The following FANCB variants were observed in gnomAD, a reference collection of about 807,000 sequenced individuals.
FANCB encodes the protein FA complementation group B, also known as Fanconi anemia group B protein.
In FANCB, 5 loss-of-function variants were observed where a neutral mutation model predicts 38.9. That is an observed-to-expected ratio of 0.13 (90% confidence interval 0.07 to 0.27). The LOEUF is 0.27. Ranked by LOEUF, FANCB falls within the 10% of genes least tolerant of loss-of-function variation. The pLI, the probability that FANCB is intolerant of heterozygous loss-of-function variation, is 1.00. For missense variants in FANCB, 573 were observed against 602.7 expected, an observed-to-expected ratio of 0.95 and a Z score of 0.52; for synonymous variants, 236 against 215.4, an observed-to-expected ratio of 1.10 and a Z score of -0.84.
the FANCB span, among the ~76,000 whole-genome samples, chrX:14,793,561 A>T: frequency 5.3e-5 from 6 of 112,410 alleles, no homozygotes; most frequent in African/African-American, 1.9e-4. Context: ...CGAAAAAAAG[A>T]TCAAATTTTC....
chrX:14,871,809 T>C (rs900275819), intron 1 of FANCB, among the ~76,000 whole-genome samples: 18 of 99,540 alleles, frequency 1.8e-4, no homozygotes, highest in African/African-American at 6.2e-4. Flanking sequence ...TCTCAAGAAA[T>C]AGTGCCATGT....
chrX:14,743,037 G>T, the FANCB span, among the ~76,000 whole-genome samples: 1 of 112,765 alleles, frequency 8.9e-6, no homozygotes, highest in Non-Finnish European at 1.9e-5. Flanking sequence ...AAATGGAGAA[G>T]AATAATGGTT....
chrX:14,773,130 T>TA, the FANCB span, among the ~76,000 whole-genome samples: 1 of 112,470 alleles, frequency 8.9e-6, no homozygotes, highest in African/African-American at 3.2e-5. Context: ...CAGATGCTTC[T>TA]AATCAGCCAT....
chrX:14,844,573 T>C lies in FANCB; in HGVS notation c.2095A>G (p.Ser699Gly). 1 of 1,209,755 alleles carries C rather than the reference T, an allele frequency of 8.3e-7. No homozygotes were observed. The highest frequency in any genetic ancestry group is 1.1e-6 in the Non-Finnish European group (1 of 893,732). ...PEVYFCERPG[S>G]FYGTLFTWKQ... ...CAAGTGAAGAGTGTCCCATAGAAAC[T>C]TCCCGGTCTTTCACAAAAGTACACT... The change falls in exon 9 of 10, where the codon AGT becomes GGT. Residue 699 changes from serine (S) to glycine (G), a missense_variant. Coordinates refer to ENST00000650831, the MANE Select transcript of FANCB (RefSeq NM_001018113.3).
the FANCB span, among the ~76,000 whole-genome samples, chrX:14,707,757 G>GGTGTGTGTGTGTGT: frequency 1.7e-4 from 18 of 106,211 alleles, no homozygotes; most frequent in Admixed American, 1.6e-3. Flanking sequence ...CAGCAAAAAA[G>GGTGTGTGTGTGTGT]GTGTGTGTGT....
the FANCB span, among the ~76,000 whole-genome samples, chrX:14,690,096 A>T: frequency 8.4e-3 from 942 of 111,856 alleles, 9 homozygotes; most frequent in African/African-American, 0.028. Flanking sequence ...AGTAAATTGA[A>T]GAAAATTACA....
In FANCB at chrX:14,853,109, A is replaced by G. The variant is rs759581894; in HGVS notation, c.1256T>C (p.Ile419Thr). The change falls in exon 6 of 10, where the codon ATT (isoleucine) becomes ACT (threonine). Residue 419 changes from isoleucine to threonine, a missense_variant. Physicochemically the swap from Ile to Thr is moderately conservative, Grantham distance 89. Coordinates refer to ENST00000650831, the MANE Select transcript of FANCB (RefSeq NM_001018113.3). ...RQHLLLKEKI[I>T]SKSYKALINL... ...TATTAAAGCTTTGTAAGATTTTGAA[A>G]TAATTTTTTCCTTAAGCAACAGATG... 2 of 1,202,951 alleles carry G rather than the reference A, an allele frequency of 1.7e-6. No homozygotes were observed. The highest frequency in any genetic ancestry group is 4.4e-5 in the Admixed American group (2 of 45,614).
At chrX:14,772,630 G>T in the FANCB span, among the ~76,000 whole-genome samples, 4 of 112,203 alleles carry the variant, frequency 3.6e-5, no homozygotes, top group African/African-American at 9.7e-5. Context: ...GCAGAATGAT[G>T]CTGCCTGGCT....
the FANCB span, among the ~76,000 whole-genome samples, chrX:14,740,953 A>AACACACGCACACACAC: frequency 0.058 from 6,427 of 109,991 alleles, 241 homozygotes; most frequent in African/African-American, 0.12. Context: ...CTAATACACA[A>AACACACGCACACACAC]ACACATGCAC....
chrX:14,861,788 A>G (rs1019193516), intron 3 of FANCB, among the ~76,000 whole-genome samples: 1 of 112,482 alleles, frequency 8.9e-6, no homozygotes, highest in Non-Finnish European at 1.9e-5. Flanking sequence ...AGTTTTTGGC[A>G]TAATTATTTC....
chrX:14,824,085 C>A, the FANCB span, among the ~76,000 whole-genome samples: 2 of 111,797 alleles, frequency 1.8e-5, no homozygotes, highest in African/African-American at 6.5e-5. Flanking sequence ...ACACCCTCCC[C>A]CTAACAACCC....
chrX:14,846,419 C>T (rs747802088), intron 7 of FANCB, among the ~76,000 whole-genome samples: 1 of 111,793 alleles, frequency 8.9e-6, no homozygotes, highest in Non-Finnish European at 1.9e-5. Flanking sequence ...TTCTAAATTA[C>T]AAACTATACT....
chrX:14,847,813 G>A (rs1192064573), intron 7 of FANCB, among the ~76,000 whole-genome samples: 2 of 111,254 alleles, frequency 1.8e-5, no homozygotes, highest in Non-Finnish European at 1.9e-5. Flanking sequence ...TATTTGAAAA[G>A]ATCTAATAAA....
chrX:14,697,893 T>C, the FANCB span, among the ~76,000 whole-genome samples: 1 of 112,481 alleles, frequency 8.9e-6, no homozygotes, highest in Non-Finnish European at 1.9e-5. Context: ...AACTACGTTT[T>C]ATTGTTTGAT....
intron 3 of FANCB, among the ~76,000 whole-genome samples, chrX:14,863,408 T>C (rs1468325212): frequency 8.9e-6 from 1 of 112,520 alleles, no homozygotes; most frequent in African/African-American, 3.2e-5. Flanking sequence ...CATTTCTAAC[T>C]AGTAATGATA....
At chrX:14,723,868 G>A in the FANCB span, among the ~76,000 whole-genome samples, 1 of 112,072 alleles carries the variant, frequency 8.9e-6, no homozygotes, top group East Asian at 2.8e-4. Flanking sequence ...TTCCTTCAGA[G>A]CCCTTATCAT....
chrX:14,827,351 C>A, the FANCB span, among the ~76,000 whole-genome samples: 12 of 111,711 alleles, frequency 1.1e-4, no homozygotes, highest in African/African-American at 3.9e-4. Context: ...TTTTCCTATC[C>A]AAGGATATGA....
the FANCB span, among the ~76,000 whole-genome samples, chrX:14,768,176 G>GT: frequency 8.9e-6 from 1 of 111,912 alleles, no homozygotes; most frequent in East Asian, 2.8e-4. Context: ...TTTTAAAGTA[G>GT]TTTTTTCTAA....
At chrX:14,755,783 C>A in the FANCB span, among the ~76,000 whole-genome samples, 2 of 110,638 alleles carry the variant, frequency 1.8e-5, no homozygotes, top group South Asian at 7.6e-4. Context: ...ACATTATTCA[C>A]AGAAATAGAA....
Sources: gnomAD v4.1 joint callset for allele counts (sites outside exome capture counted in the v4.1 genomes callset) on GRCh38, gnomAD v4.1.1 for gene constraint, MANE v1.5 for transcripts, NCBI Gene and HGNC (gene_info 2026-07-23, HGNC 2026-07-21) for gene names.